Variants in GRK3 observed in about 807,000 individuals in gnomAD.
GRK3 encodes adrenergic, beta, receptor kinase 2.
Under a neutral mutation model 95.7 loss-of-function variants are expected in GRK3, and 54 were observed. The observed-to-expected ratio is 0.56, with a 90% CI of 0.45 to 0.71. The LOEUF (loss-of-function observed/expected upper bound fraction) is 0.71. Ranked by LOEUF, GRK3 falls within the 30% of genes least tolerant of loss-of-function variation. The pLI is 0.00. For synonymous variants in GRK3, 281 were observed against 290.8 expected, an observed-to-expected ratio of 0.97 and a Z score of 0.34; for missense variants, 649 against 851.2, an observed-to-expected ratio of 0.76 and a Z score of 2.96.
At chr22:25,629,657 G>A (rs2084651271) in intron 2 of GRK3, among the ~76,000 whole-genome samples, 1 of 152,220 alleles carries the variant, frequency 6.6e-6, no homozygotes, top group African/African-American at 2.4e-5. Flanking sequence ...GCATTTGCAT[G>A]GTAGAGGTAC....
chr22:25,651,494 G>C (rs996800840), intron 3 of GRK3, among the ~76,000 whole-genome samples: 1 of 152,176 alleles, frequency 6.6e-6, no homozygotes, highest in Non-Finnish European at 1.5e-5. Flanking sequence ...TACATAACCT[G>C]CTTAGTATTG....
chr22:25,700,066 T>C (rs1259611820), intron 13 of GRK3, among the ~76,000 whole-genome samples: 1 of 152,206 alleles, frequency 6.6e-6, no homozygotes, highest in Non-Finnish European at 1.5e-5. Flanking sequence ...GAAACACCTT[T>C]CTGCACACTT....
At chr22:25,622,406 C>T (rs533253015) in intron 2 of GRK3, among the ~76,000 whole-genome samples, 7 of 152,244 alleles carry the variant, frequency 4.6e-5, no homozygotes, top group South Asian at 4.2e-4. Context: ...GACCGAGTAG[C>T]GCTTACATAG....
intron 1 of GRK3, among the ~76,000 whole-genome samples, chr22:25,596,133 G>A (rs2084370905): frequency 6.6e-6 from 1 of 152,194 alleles, no homozygotes; most frequent in African/African-American, 2.4e-5. Context: ...AGTCAGAATG[G>A]AATAGGTAGT....
intron 1 of GRK3, among the ~76,000 whole-genome samples, chr22:25,594,125 C>G (rs1347080680): frequency 6.6e-6 from 1 of 152,124 alleles, no homozygotes; most frequent in African/African-American, 2.4e-5. Flanking sequence ...ATAGTTTTTA[C>G]CCATCCTGTG....
intron 1 of GRK3, among the ~76,000 whole-genome samples, chr22:25,587,978 C>G (rs567150842): frequency 2.0e-5 from 3 of 152,274 alleles, no homozygotes; most frequent in African/African-American, 7.2e-5. Flanking sequence ...TGAAAATGGA[C>G]TAATACAATG....
chr22:25,708,196 G>A (rs941388128), intron 15 of GRK3, among the ~76,000 whole-genome samples: 2 of 152,054 alleles, frequency 1.3e-5, no homozygotes, highest in East Asian at 1.9e-4. Context: ...GCAGTGAGCC[G>A]AGATGGCGCC....
chr22:25,586,437 T>C (rs1240920214), intron 1 of GRK3, among the ~76,000 whole-genome samples: 2 of 152,302 alleles, frequency 1.3e-5, no homozygotes, highest in Non-Finnish European at 2.9e-5. Flanking sequence ...GATGTGCTTA[T>C]TTCACATTGC....
At chr22:25,584,394 G>A (rs1932215782) in intron 1 of GRK3, among the ~76,000 whole-genome samples, 1 of 152,196 alleles carries the variant, frequency 6.6e-6, no homozygotes, top group Non-Finnish European at 1.5e-5. Context: ...ACTGCCCTGT[G>A]GGTCCCTTAG....
At chr22:25,606,948 C>G (rs190623912) in intron 2 of GRK3, among the ~76,000 whole-genome samples, 273 of 152,278 alleles carry the variant, frequency 1.8e-3, no homozygotes, top group African/African-American at 6.4e-3. Flanking sequence ...TGGTAATACA[C>G]ATGAAGCCCT....
intron 13 of GRK3, among the ~76,000 whole-genome samples, chr22:25,695,789 C>T (rs962613793): frequency 9.9e-5 from 15 of 151,898 alleles, no homozygotes; most frequent in African/African-American, 3.4e-4. Context: ...CAACCTCAGT[C>T]TCCTGAGTAG....
chr22:25,687,669 T>A lies in GRK3; in HGVS notation c.957+2T>A. On this transcript the variant is annotated splice_donor_variant, in intron 11 of 20. Transcript: ENST00000324198. LOFTEE classifies it high-confidence loss of function. ...TTTGTTGTCTACAGAGATTTGAAGG[T>A]GAGGACGATTGACAGACTCATTCTG... 6.2e-7 allele frequency: 1 copy of A among 1,614,062 alleles called. No homozygotes were observed. The highest frequency in any genetic ancestry group is 8.5e-7 in the Non-Finnish European group (1 of 1,179,958).
intron 1 of GRK3, among the ~76,000 whole-genome samples, chr22:25,578,986 A>T (rs1932005478): frequency 6.6e-6 from 1 of 152,140 alleles, no homozygotes; most frequent in Admixed American, 6.5e-5. Context: ...AAGACAGAAG[A>T]GAACACCTCA....
At chr22:25,652,846 C>G (rs1453256848) in intron 3 of GRK3, among the ~76,000 whole-genome samples, 1 of 152,006 alleles carries the variant, frequency 6.6e-6, no homozygotes, top group Admixed American at 6.6e-5. Flanking sequence ...TTTGAATATA[C>G]TTACCATTGT....
At chr22:25,625,570 C>T (rs973777432) in intron 2 of GRK3, among the ~76,000 whole-genome samples, 3 of 152,060 alleles carry the variant, frequency 2.0e-5, no homozygotes, top group African/African-American at 4.8e-5. Flanking sequence ...TCCCTTCCCC[C>T]GGGGAAGTTT....
chr22:25,573,344 G>A (rs1055523225), intron 1 of GRK3, among the ~76,000 whole-genome samples: 1 of 152,188 alleles, frequency 6.6e-6, no homozygotes, highest in Non-Finnish European at 1.5e-5. Context: ...GTGTGATTGA[G>A]TCCCTCTGAA....
At chr22:25,714,740 A>G (rs755672692) in intron 18 of GRK3, among the ~76,000 whole-genome samples, 170 bp downstream of exon 18, 1 of 152,156 alleles carries the variant, frequency 6.6e-6, no homozygotes, top group African/African-American at 2.4e-5. Context: ...TAATATTTCA[A>G]AGTCTTCAGG....
At chr22:25,621,351 C>A (rs1419196786) in intron 2 of GRK3, among the ~76,000 whole-genome samples, 1 of 152,132 alleles carries the variant, frequency 6.6e-6, no homozygotes, top group Non-Finnish European at 1.5e-5. Flanking sequence ...CATTACCTGG[C>A]AGAATTTGCA....
intron 2 of GRK3, among the ~76,000 whole-genome samples, chr22:25,631,660 A>G (rs1263279846): frequency 6.6e-6 from 1 of 152,236 alleles, no homozygotes; most frequent in Non-Finnish European, 1.5e-5. Flanking sequence ...TGACCAACGC[A>G]TAAAGTGTGC....
Sources: allele counts gnomAD v4.1 joint callset (sites outside exome capture counted in the v4.1 genomes callset), GRCh38; gene constraint gnomAD v4.1.1; transcripts MANE v1.5; gene names NCBI Gene and HGNC (gene_info 2026-07-23, HGNC 2026-07-21).